FAM167A: variants seen among roughly 807,000 people sequenced by gnomAD.
The protein encoded by FAM167A is protein FAM167A.
In FAM167A, 23 loss-of-function variants were observed where a neutral mutation model predicts 14.9. That is an observed-to-expected ratio of 1.55 (90% CI 1.11 to 2.19). The LOEUF (loss-of-function observed/expected upper bound fraction) is 2.19, where lower values mean the gene tolerates loss of function less well. FAM167A is among the 30% of genes most tolerant of loss of function. The pLI is 0.00. For missense variants in FAM167A, 401 were observed against 281.5 expected (o/e 1.42, Z -3.04); for synonymous variants, 174 against 117.7 (o/e 1.48, Z -3.10).
intron 2 of FAM167A, among the ~76,000 whole-genome samples, chr8:11,431,129 G>C (rs557983390): frequency 6.6e-6 from 1 of 152,216 alleles, no homozygotes; most frequent in Non-Finnish European, 1.5e-5. Context: ...ATCACCAATA[G>C]GCGGAACCAA....
chr8:11,425,120 C>T (rs953396821), intron 2 of FAM167A, among the ~76,000 whole-genome samples: 6 of 151,378 alleles, frequency 4.0e-5, no homozygotes, highest in African/African-American at 9.8e-5. Context: ...ACTCTTTAAA[C>T]GTTTTAGAAT....
chr8:11,444,356 G>T lies in FAM167A; in HGVS notation c.56C>A (p.Ala19Glu), dbSNP rs146805791. The stretch of plus-strand genomic sequence containing the variant: ...GAGGTGGTCATCGGGTGGTGCGGCT[G>T]CTCCCGCCCCCTCTTCTGCACCCAC... ...EEVGAEEGAGAAAPPDDHLRS... is the reference protein window; with the variant it reads ...EEVGAEEGAGEAAPPDDHLRS... The change falls in exon 2 of 3, where the codon GCA becomes GAA. Residue 19 changes from alanine to glutamate, a missense_variant. Coordinates refer to ENST00000284486, the MANE Select transcript of FAM167A (RefSeq NM_053279.3). The T allele has an allele frequency of 8.8e-6, 14 of 1,596,766 alleles. No homozygotes were observed. The East Asian group carries it at 2.9e-4, about 33-fold the overall frequency.
intron 1 of FAM167A, among the ~76,000 whole-genome samples, chr8:11,448,591 C>T (rs1000932228): frequency 6.6e-5 from 10 of 152,206 alleles, no homozygotes; most frequent in Non-Finnish European, 1.3e-4. Context: ...GGACACCAAA[C>T]GACACGAAGT....
At chr8:11,463,844 G>T (rs1426488886) in intron 1 of FAM167A, among the ~76,000 whole-genome samples, 1 of 152,236 alleles carries the variant, frequency 6.6e-6, no homozygotes, top group African/African-American at 2.4e-5. Context: ...GGCACCCGAG[G>T]GACCTTCTGG....
upstream of FAM167A, among the ~76,000 whole-genome samples, chr8:11,472,280 G>A (rs184289218): frequency 3.9e-5 from 6 of 152,156 alleles, no homozygotes; most frequent in African/African-American, 1.4e-4. Flanking sequence ...TTGAGTTTGT[G>A]GAGTTTGCTG....
intron 1 of FAM167A, among the ~76,000 whole-genome samples, chr8:11,458,785 G>GAA (rs149357201): frequency 0.018 from 2,588 of 147,796 alleles, 78 homozygotes; most frequent in African/African-American, 0.061. Context: ...CGAACTAAGG[G>GAA]AAAAAAAAAA....
intron 1 of FAM167A, among the ~76,000 whole-genome samples, chr8:11,445,835 T>G (rs1806752474): frequency 6.6e-6 from 1 of 150,786 alleles, no homozygotes; most frequent in Admixed American, 6.6e-5. Context: ...AAAAAAAATC[T>G]GTGCTGGGGG....
chr8:11,430,704 A>C (rs1228983998), intron 2 of FAM167A, among the ~76,000 whole-genome samples: 6 of 152,134 alleles, frequency 3.9e-5, no homozygotes. Context: ...ATGGGTCTGG[A>C]AGAGGACAGA....
At chr8:11,475,809 G>C (rs116457088) in intron 1 of FAM167A, among the ~76,000 whole-genome samples, 3 of 152,126 alleles carry the variant, frequency 2.0e-5, no homozygotes, top group South Asian at 4.2e-4. Flanking sequence ...AACTCAAATT[G>C]CTGCCCTTCA....
At chr8:11,467,478 G>A (rs905926541), upstream of FAM167A, 1 of 152,520 alleles carries the variant, frequency 6.6e-6, no homozygotes, top group Non-Finnish European at 1.5e-5. Flanking sequence ...CCAGACACTG[G>A]AGGCCCCAAG....
At chr8:11,440,791 GA>G in intron 2 of FAM167A, among the ~76,000 whole-genome samples, 1 of 152,214 alleles carries the variant, frequency 6.6e-6, no homozygotes, top group East Asian at 1.9e-4. Context: ...CAGGTGTAGA[GA>G]AAACCACCTT....
intron 1 of FAM167A, chr8:11,445,153 C>T: frequency 4.1e-6 from 4 of 985,414 alleles, no homozygotes; most frequent in Non-Finnish European, 4.8e-6. Context: ...TCACCGAGAT[C>T]TCCCAGCAAT....
At chr8:11,426,678 A>C (rs4841528) in intron 2 of FAM167A, among the ~76,000 whole-genome samples, 17 of 152,292 alleles carry the variant, frequency 1.1e-4, no homozygotes, top group Admixed American at 2.0e-4. Context: ...AAGAGGAAGA[A>C]ATTTTTTAAA....
At chr8:11,468,006 G>T (rs780420682), upstream of FAM167A, among the ~76,000 whole-genome samples, 12 of 152,026 alleles carry the variant, frequency 7.9e-5, no homozygotes, top group Non-Finnish European at 1.6e-4. Flanking sequence ...CCTTCTTCCT[G>T]CCCGCTGCCA....
chr8:11,426,601 T>G (rs536681961), intron 2 of FAM167A, among the ~76,000 whole-genome samples: 9 of 152,234 alleles, frequency 5.9e-5, no homozygotes, highest in South Asian at 2.1e-4. Context: ...GAGGCAGGTC[T>G]ATGCCTTTCC....
At chr8:11,454,758 C>T (rs1340639800) in intron 1 of FAM167A, among the ~76,000 whole-genome samples, 1 of 152,178 alleles carries the variant, frequency 6.6e-6, no homozygotes, top group Admixed American at 6.5e-5. Flanking sequence ...GGCTTTTCTG[C>T]CCGGGTTTAA....
At chr8:11,430,547 G>A (rs1350294829) in intron 2 of FAM167A, among the ~76,000 whole-genome samples, 2 of 152,164 alleles carry the variant, frequency 1.3e-5, no homozygotes, top group African/African-American at 2.4e-5. Context: ...TGAACTGTAT[G>A]GTATGTAAAG....
At chr8:11,426,240 G>C (rs779895720) in intron 2 of FAM167A, among the ~76,000 whole-genome samples, 25 of 152,208 alleles carry the variant, frequency 1.6e-4, no homozygotes, top group Non-Finnish European at 3.2e-4. Flanking sequence ...TATCCCACCT[G>C]TTTAGGCTGA....
chr8:11,464,672 C>T (rs879357833), intron 1 of FAM167A, among the ~76,000 whole-genome samples: 6 of 152,214 alleles, frequency 3.9e-5, no homozygotes, highest in Admixed American at 1.3e-4. Flanking sequence ...ACTCATTTTC[C>T]GCCTTTGCAA....
Sources: gnomAD v4.1 joint callset for allele counts (sites outside exome capture counted in the v4.1 genomes callset) on GRCh38, gnomAD v4.1.1 for gene constraint, MANE v1.5 for transcripts, NCBI Gene and HGNC (gene_info 2026-07-23, HGNC 2026-07-21) for gene names.